The following RBFOX1 variants were observed in gnomAD, a reference collection of about 807,000 sequenced individuals.
The protein encoded by RBFOX1 is RNA binding fox-1 homolog 1.
RBFOX1 carries 8 observed loss-of-function variants against 57.7 expected under a neutral mutation model. That is an observed-to-expected ratio of 0.14 (90% CI 0.08 to 0.25). The LOEUF (loss-of-function observed/expected upper bound fraction) is 0.25, where lower values mean the gene tolerates loss of function less well. Among genes scored for constraint, RBFOX1 ranks in the 10% least tolerant of loss-of-function variants. The pLI, the probability that RBFOX1 is intolerant of heterozygous loss-of-function variation, is 1.00. For synonymous variants in RBFOX1, 326 were observed against 222.4 expected (o/e 1.47, Z -4.15); for missense variants, 611 against 548.5 (o/e 1.11, Z -1.14).
chr16:6,641,423 C>T (rs757514480), intron 2 of RBFOX1, among the ~76,000 whole-genome samples: 3 of 152,092 alleles, frequency 2.0e-5, no homozygotes, highest in Non-Finnish European at 4.4e-5. Flanking sequence ...GTGATGCAGA[C>T]ACTCATCCTC....
intron 3 of RBFOX1, among the ~76,000 whole-genome samples, chr16:7,047,186 T>C (rs959900962): frequency 3.9e-5 from 6 of 152,154 alleles, no homozygotes; most frequent in African/African-American, 1.4e-4. Flanking sequence ...TTCCTTCAGG[T>C]ATCCTATTTC....
chr16:6,301,335 T>A (rs1166439484), intron 1 of RBFOX1, among the ~76,000 whole-genome samples: 1 of 152,174 alleles, frequency 6.6e-6, no homozygotes, highest in East Asian at 1.9e-4. Flanking sequence ...GTTTGTTTGT[T>A]TGTTTGTTTT....
intron 4 of RBFOX1, among the ~76,000 whole-genome samples, chr16:7,484,651 A>G (rs2064913870): frequency 1.3e-5 from 2 of 152,148 alleles, no homozygotes. Flanking sequence ...TTTAGTAGAG[A>G]CAAGGTTTCA....
chr16:7,495,363 C>A (rs1271821547), intron 4 of RBFOX1, among the ~76,000 whole-genome samples: 1 of 152,156 alleles, frequency 6.6e-6, no homozygotes, highest in Admixed American at 6.6e-5. Context: ...TGAAGAGTAG[C>A]TCTGTTTTAA....
chr16:6,788,752 G>A (rs1487747636), intron 3 of RBFOX1, among the ~76,000 whole-genome samples: 1 of 151,990 alleles, frequency 6.6e-6, no homozygotes, highest in African/African-American at 2.4e-5. Flanking sequence ...TGGGATTACA[G>A]GTGTGAGCGA....
chr16:6,911,649 C>A (rs1384030154), intron 3 of RBFOX1, among the ~76,000 whole-genome samples: 1 of 152,202 alleles, frequency 6.6e-6, no homozygotes, highest in Non-Finnish European at 1.5e-5. Context: ...TGGGCTTCAA[C>A]ATCTTTTGGT....
intron 3 of RBFOX1, among the ~76,000 whole-genome samples, chr16:6,669,528 T>A (rs1387311938): frequency 6.6e-6 from 1 of 152,208 alleles, no homozygotes. Context: ...AATTATATGT[T>A]TAAGATATAC....
chr16:7,409,974 C>T (rs1241285252), intron 4 of RBFOX1, among the ~76,000 whole-genome samples: 1 of 152,122 alleles, frequency 6.6e-6, no homozygotes, highest in Non-Finnish European at 1.5e-5. Flanking sequence ...ACAGTGAGAC[C>T]AGGAAGAGGA....
chr16:5,354,820 C>G (rs1450201341), intron 1 of RBFOX1, among the ~76,000 whole-genome samples: 1 of 152,204 alleles, frequency 6.6e-6, no homozygotes, highest in Non-Finnish European at 1.5e-5. Context: ...GTTTCTGAGA[C>G]TCCTGATGGC....
chr16:5,571,311 C>G (rs917285041), intron 2 of RBFOX1, among the ~76,000 whole-genome samples: 4 of 140,532 alleles, frequency 2.8e-5, no homozygotes, highest in African/African-American at 7.9e-5. Flanking sequence ...GCCTCCACTT[C>G]CTGGGTTCAA....
chr16:5,826,510 C>A (rs1028727930), intron 3 of RBFOX1, among the ~76,000 whole-genome samples: 1 of 152,184 alleles, frequency 6.6e-6, no homozygotes, highest in African/African-American at 2.4e-5. Context: ...CTCAACTCTA[C>A]CATTTGGCAT....
rs2080410405 is a variant in RBFOX1, at chr16:6,780,076, CATATTTATATATATTTATATATTTTTAT to C, written c.-16+125449_-16+125476del. On this transcript the variant is annotated intron_variant, in intron 3 of 15. Transcript: ENST00000550418. The stretch of plus-strand genomic sequence containing the variant: ...ATTTATATATATTTATATATATTTA[CATATTTATATATATTTATATATTTTTAT>C]ATATTTATATATATTTATATATATA... 9.2e-4 allele frequency among the ~76,000 whole-genome samples: 4 copies of C among 4,330 alleles called. 1 individual carries two copies. Among genetic ancestry groups the C allele is most frequent in the African/African-American group, 2.9e-3 (2 of 684 alleles). The allele number at this position is 4,330 out of a possible 152,430, so 2.8% of individuals were successfully genotyped here.
chr16:6,761,652 G>A (rs1440039901), intron 3 of RBFOX1, among the ~76,000 whole-genome samples: 1 of 151,466 alleles, frequency 6.6e-6, no homozygotes, highest in Admixed American at 6.6e-5. Flanking sequence ...GATTACAGGT[G>A]CTCGCCACCA....
At chr16:6,022,297 A>C (rs929847802) in intron 1 of RBFOX1, among the ~76,000 whole-genome samples, 43 of 152,024 alleles carry the variant, frequency 2.8e-4, no homozygotes, top group Admixed American at 2.8e-3. Flanking sequence ...TAATACATAG[A>C]ATATTTTGAA....
intron 3 of RBFOX1, among the ~76,000 whole-genome samples, chr16:6,952,141 A>G (rs576957388): frequency 4.6e-5 from 7 of 152,212 alleles, no homozygotes; most frequent in Non-Finnish European, 1.0e-4. Context: ...AGTGCTTCGC[A>G]GAGCACATAG....
chr16:6,958,148 G>T (rs1027777059), intron 3 of RBFOX1, among the ~76,000 whole-genome samples: 4 of 152,186 alleles, frequency 2.6e-5, no homozygotes, highest in African/African-American at 9.6e-5. Flanking sequence ...GAGAAGCAAG[G>T]GGAGGGGAAA....
intron 4 of RBFOX1, among the ~76,000 whole-genome samples, chr16:7,504,863 C>A (rs148560357): frequency 7.3e-6 from 1 of 136,884 alleles, no homozygotes; most frequent in African/African-American, 3.1e-5. Context: ...GGAAGAATAC[C>A]AGCTGTTCTG....
At chr16:7,312,054 T>C (rs915088689) in intron 4 of RBFOX1, among the ~76,000 whole-genome samples, 1 of 152,162 alleles carries the variant, frequency 6.6e-6, no homozygotes, top group African/African-American at 2.4e-5. Context: ...GTGCCTGGGG[T>C]GCAGTGAGCA....
At chr16:7,072,809 G>A (rs1414498699) in intron 4 of RBFOX1, among the ~76,000 whole-genome samples, 4 of 152,334 alleles carry the variant, frequency 2.6e-5, no homozygotes, top group South Asian at 4.1e-4. Context: ...TGAAGCTACC[G>A]TTGGCCCAGT....
Sources: allele counts gnomAD v4.1 joint callset (sites outside exome capture counted in the v4.1 genomes callset), GRCh38; gene constraint gnomAD v4.1.1; transcripts MANE v1.5; gene names NCBI Gene and HGNC (gene_info 2026-07-23, HGNC 2026-07-21).